SLC22A16: variants seen among roughly 807,000 people sequenced by gnomAD.
SLC22A16 encodes WUGSC:RG331P03.1.
In SLC22A16, 53 loss-of-function variants were observed where a neutral mutation model predicts 52.9. That is an observed-to-expected ratio of 1.00 (90% CI 0.80 to 1.26). The LOEUF (loss-of-function observed/expected upper bound fraction) is 1.26. SLC22A16 is among the 50% of genes most tolerant of loss of function. SLC22A16 has a pLI of 0.00. For missense variants in SLC22A16, 726 were observed against 704.0 expected (o/e 1.03, Z -0.35); for synonymous variants, 291 against 268.8 (o/e 1.08, Z -0.81).
intron 1 of SLC22A16, among the ~76,000 whole-genome samples, chr6:110,472,831 C>T (rs934882088): frequency 5.3e-5 from 8 of 152,116 alleles, no homozygotes; most frequent in South Asian, 2.1e-4. Flanking sequence ...AACCCAGAGG[C>T]GAGGAAAAGC....
At chr6:110,465,014 C>T (rs1024703897) in intron 1 of SLC22A16, among the ~76,000 whole-genome samples, 19 of 151,284 alleles carry the variant, frequency 1.3e-4, no homozygotes, top group African/African-American at 2.7e-4. Context: ...TCATTCACCA[C>T]GTAAACAAAA....
intron 2 of SLC22A16, among the ~76,000 whole-genome samples, chr6:110,455,118 T>C (rs1382440779): frequency 6.9e-6 from 1 of 145,764 alleles, no homozygotes; most frequent in East Asian, 2.0e-4. Flanking sequence ...TCAATATATG[T>C]CTATATAACT....
At chr6:110,449,007 C>G (rs987749030) in intron 2 of SLC22A16, among the ~76,000 whole-genome samples, 1 of 152,146 alleles carries the variant, frequency 6.6e-6, no homozygotes, top group Non-Finnish European at 1.5e-5. Context: ...TTCTCTTGAC[C>G]CCATTGCTCC....
chr6:110,432,051 A>G (rs140204809), intron 6 of SLC22A16, among the ~76,000 whole-genome samples: 1 of 152,260 alleles, frequency 6.6e-6, no homozygotes, highest in Non-Finnish European at 1.5e-5. Flanking sequence ...CTTTTCTTTA[A>G]AGGTTACTTA....
At chr6:110,472,260 C>T (rs910536668) in intron 1 of SLC22A16, among the ~76,000 whole-genome samples, 7 of 152,256 alleles carry the variant, frequency 4.6e-5, no homozygotes, top group African/African-American at 1.7e-4. Flanking sequence ...GAGCTCCCAT[C>T]AACTCCACCT....
At chr6:110,446,704 C>T (rs1012789857) in intron 3 of SLC22A16, among the ~76,000 whole-genome samples, 169 bp downstream of exon 3, 2 of 152,166 alleles carry the variant, frequency 1.3e-5, no homozygotes, top group African/African-American at 4.8e-5. Context: ...TTAATGAGTT[C>T]CATTCTAAAC....
chr6:110,453,124 G>A (rs1341308172), intron 2 of SLC22A16, among the ~76,000 whole-genome samples: 4 of 152,080 alleles, frequency 2.6e-5, no homozygotes, highest in Admixed American at 6.5e-5. Context: ...TAGATGTCCT[G>A]GGTATTCTTC....
At chr6:110,447,593 C>T (rs1424292924) in intron 2 of SLC22A16, among the ~76,000 whole-genome samples, 1 of 152,190 alleles carries the variant, frequency 6.6e-6, no homozygotes, top group African/African-American at 2.4e-5. Context: ...CAACCATCAT[C>T]ATTCTTTAAT....
intron 2 of SLC22A16, among the ~76,000 whole-genome samples, chr6:110,455,031 C>T (rs1489862468): frequency 3.3e-5 from 4 of 122,094 alleles, no homozygotes; most frequent in Middle Eastern, 4.7e-3. Context: ...TATAATTTCA[C>T]TAATATATTT....
Position 110,456,869 on chromosome 6 carries a change from TAG to T in SLC22A16, c.200_201del (p.Ser67Ter), listed in dbSNP as rs752575488. 6.2e-7 allele frequency: 1 copy of T among 1,613,976 alleles called. No homozygotes were observed. The highest frequency in any genetic ancestry group is 1.1e-5 in the South Asian group (1 of 91,056). Reference sequence around the variant, plus strand: ...GCCCCGGTGTCCTCCAAACTCCAATTAGAGTGATTATGGAAAACAACCTGACT... The same window carrying T: ...GCCCCGGTGTCCTCCAAACTCCAATTAGTGATTATGGAAAACAACCTGACT... Reference protein sequence around the residue: ...NVSQVVFHNHSNWSLEDTGAL... With the variant: ...NVSQVVFHNHXNWSLEDTGAL... On this transcript the variant is annotated frameshift_variant, in exon 2 of 8. Transcript: ENST00000368919. LOFTEE classifies it high-confidence loss of function.
intron 7 of SLC22A16, among the ~76,000 whole-genome samples, chr6:110,429,980 G>A (rs1278439701): frequency 6.6e-6 from 1 of 152,030 alleles, no homozygotes; most frequent in African/African-American, 2.4e-5. Context: ...AGCTGCATGA[G>A]GAATAGAACA....
intron 1 of SLC22A16, among the ~76,000 whole-genome samples, chr6:110,459,117 C>T (rs747687407): frequency 6.6e-6 from 1 of 152,008 alleles, no homozygotes. Context: ...GGAGAAGAGA[C>T]CAATCTTTCT....
chr6:110,456,683 T>G lies in SLC22A16; in HGVS notation c.388A>C (p.Ile130Leu), dbSNP rs750711233. ...CTTTTCCATGTGTTCTGGTCATATATGTAGCCATCCACACAAGGAAACTCT... is the reference window on the plus strand; with the variant it reads ...CTTTTCCATGTGTTCTGGTCATATAGGTAGCCATCCACACAAGGAAACTCT... ...KKEFPCVDGYIYDQNTWKSTA... is the reference protein window; with the variant it reads ...KKEFPCVDGYLYDQNTWKSTA... The change falls in exon 2 of 8, where the codon ATA becomes CTA. Residue 130 changes from isoleucine to leucine, a missense_variant. Coordinates refer to ENST00000368919, the MANE Select transcript of SLC22A16 (RefSeq NM_033125.4). 1 of 1,614,186 alleles carries G rather than the reference T, an allele frequency of 6.2e-7. No individual in the cohort carries two copies. Among genetic ancestry groups the G allele is most frequent in the Non-Finnish European group, 8.5e-7 (1 of 1,180,034 alleles).
chr6:110,452,164 A>G (rs1483764923), intron 2 of SLC22A16, among the ~76,000 whole-genome samples: 4 of 152,206 alleles, frequency 2.6e-5, no homozygotes, highest in Admixed American at 2.6e-4. Flanking sequence ...CTTCAAGTTT[A>G]TAATTGTCTC....
chr6:110,428,268 A>G (rs1774355184), intron 7 of SLC22A16, among the ~76,000 whole-genome samples: 1 of 152,126 alleles, frequency 6.6e-6, no homozygotes, highest in East Asian at 1.9e-4. Flanking sequence ...ACTCATTACA[A>G]ACAATAGGTA....
In SLC22A16 at chr6:110,456,935, C is replaced by G. The variant is rs776482909; in HGVS notation, c.136G>C (p.Val46Leu). The stretch of plus-strand genomic sequence containing the variant: ...GGCCTGCAGACATGATGAGGGGTGA[C>G]TCCCATGAACACAGAAGCCAAGTAG... The part of the protein sequence containing the change: ...IHYLASVFMG[V>L]TPHHVCRPPG... The change falls in exon 2 of 8, where the codon GTC becomes CTC. Residue 46 changes from valine to leucine, a missense_variant. Transcript: ENST00000368919. 6.2e-7 allele frequency: 1 copy of G among 1,610,270 alleles called. No individual in the cohort carries two copies. Among genetic ancestry groups the G allele is most frequent in the Admixed American group, 1.7e-5 (1 of 59,532 alleles).
rs139600211 is a variant in SLC22A16 at position 110,435,886 on chromosome 6, G to A, written c.1387C>T (p.Leu463Phe). The A allele has an allele frequency of 1.2e-6, 2 of 1,613,846 alleles. No homozygotes were observed. The highest frequency in any genetic ancestry group is 1.3e-5 in the African/African-American group (1 of 75,040). The change falls in exon 6 of 8, where the codon CTT becomes TTT. Residue 463 changes from leucine (L) to phenylalanine (F), a missense_variant. Transcript: ENST00000368919. ...AIGAAFGLIY[L>F]YTAELYPTIV... Reference sequence around the variant, plus strand: ...GTTGGATACAGCTCAGCTGTATAAAGATAAATGAGGCCAAATGCTGCCCCG... The same window carrying A: ...GTTGGATACAGCTCAGCTGTATAAAAATAAATGAGGCCAAATGCTGCCCCG...
intron 2 of SLC22A16, 143 bp downstream of exon 2, chr6:110,456,395 A>G: frequency 1.9e-6 from 2 of 1,054,914 alleles, no homozygotes; most frequent in Non-Finnish European, 2.7e-6. Context: ...TACATCCCTA[A>G]ATAATGGATC....
intron 2 of SLC22A16, among the ~76,000 whole-genome samples, chr6:110,454,638 ATTATATATT>A (rs1775525215): frequency 2.0e-5 from 1 of 50,628 alleles, no homozygotes; most frequent in Admixed American, 2.9e-4. Context: ...ATTTATATAT[ATTATATATT>A]TTATATATAT....
Sources: allele counts gnomAD v4.1 joint callset (sites outside exome capture counted in the v4.1 genomes callset), GRCh38; gene constraint gnomAD v4.1.1; transcripts MANE v1.5; gene names NCBI Gene and HGNC (gene_info 2026-07-23, HGNC 2026-07-21).